C20orf203: variants seen among roughly 807,000 people sequenced by gnomAD.
C20orf203 encodes the protein uncharacterized protein C20orf203.
C20orf203 carries 16 observed loss-of-function variants against 15.9 expected under a neutral mutation model. The ratio of observed to expected loss-of-function variants is 1.01; its 90% confidence interval spans 0.68 to 1.53. The LOEUF (loss-of-function observed/expected upper bound fraction) is 1.53, where lower values mean the gene tolerates loss of function less well. Ranked by LOEUF, C20orf203 falls within the 40% of genes most tolerant of loss-of-function variation. C20orf203 has a pLI of 0.00. For synonymous variants in C20orf203, 98 were observed against 97.2 expected, an observed-to-expected ratio of 1.01 and a Z score of -0.05; for missense variants, 263 against 247.5, an observed-to-expected ratio of 1.06 and a Z score of -0.42.
intron 1 of C20orf203, among the ~76,000 whole-genome samples, chr20:32,660,202 G>T (rs1982859269): frequency 6.6e-6 from 1 of 152,142 alleles, no homozygotes; most frequent in Admixed American, 6.5e-5. Context: ...TCCCATTGCA[G>T]GGAGGTTGGG....
chr20:32,634,804 A>G (rs1335917763), intron 5 of C20orf203, among the ~76,000 whole-genome samples: 2 of 148,532 alleles, frequency 1.3e-5, no homozygotes, highest in East Asian at 2.0e-4. Flanking sequence ...CTACATATGC[A>G]TATATATATA....
chr20:32,666,937 C>A (rs748539097), intron 1 of C20orf203, among the ~76,000 whole-genome samples: 3 of 150,072 alleles, frequency 2.0e-5, no homozygotes. Flanking sequence ...GCATGAGCCA[C>A]CACGTACAAT....
chr20:32,633,937 G>T lies in C20orf203; in HGVS notation c.*1633C>A. ...CTGGATGCTTCTCCCGGATCCTGATGCCTGAGCTTCAGCTTCCCCACTCCG... is the reference window on the plus strand; with the variant it reads ...CTGGATGCTTCTCCCGGATCCTGATTCCTGAGCTTCAGCTTCCCCACTCCG... On this transcript the variant is annotated 3_prime_UTR_variant, in exon 6 of 6. Coordinates refer to ENST00000608990, the MANE Select transcript of C20orf203 (RefSeq NM_182584.4). 1 of 398,318 alleles carries T rather than the reference G, an allele frequency of 2.5e-6. No individual in the cohort carries two copies. The highest frequency in any genetic ancestry group is 4.4e-6 in the Non-Finnish European group (1 of 226,100). The allele number at this position is 398,318 out of a possible 1,614,324, so 24.7% of individuals were successfully genotyped here.
At chr20:32,639,652 G>A (rs1420800973) in intron 5 of C20orf203, among the ~76,000 whole-genome samples, 1 of 147,700 alleles carries the variant, frequency 6.8e-6, no homozygotes, top group African/African-American at 2.5e-5. Flanking sequence ...AAAAGTCACC[G>A]TGAGGATTAA....
chr20:32,654,585 G>A (rs761296137), intron 1 of C20orf203, among the ~76,000 whole-genome samples: 7 of 152,172 alleles, frequency 4.6e-5, no homozygotes, highest in Admixed American at 2.6e-4. Context: ...GCTTATGTCC[G>A]TAATCCCAGC....
intron 1 of C20orf203, among the ~76,000 whole-genome samples, chr20:32,666,553 G>A (rs1983030960): frequency 6.6e-6 from 1 of 151,062 alleles, no homozygotes; most frequent in Non-Finnish European, 1.5e-5. Flanking sequence ...CACTAGGTCA[G>A]GAGATCGAGA....
At chr20:32,672,401 A>T (rs966384332) in intron 1 of C20orf203, among the ~76,000 whole-genome samples, 1 of 151,836 alleles carries the variant, frequency 6.6e-6, no homozygotes, top group African/African-American at 2.4e-5. Context: ...TATATTATAC[A>T]TACATACATA....
At position 32,650,319 on chromosome 20, in the gene C20orf203, C is replaced by G. The variant is rs542460541; in HGVS notation, c.*113G>C. 1.4e-5 allele frequency: 11 copies of G among 772,606 alleles called. No homozygotes were observed. The East Asian group carries it at 2.7e-4, about 19-fold the overall frequency. The allele number at this position is 772,606 out of a possible 1,614,324, so 47.9% of individuals were successfully genotyped here. ...AGCTGGGCGTGCCGGGCCCATCCCC[C>G]ACTCTGGGGAGCAGAATGATTGTGG... On this transcript the variant is annotated 3_prime_UTR_variant, in exon 4 of 6. Coordinates refer to ENST00000608990, the MANE Select transcript of C20orf203 (RefSeq NM_182584.4).
intron 1 of C20orf203, among the ~76,000 whole-genome samples, chr20:32,667,464 T>G (rs1333258269): frequency 6.6e-6 from 1 of 152,192 alleles, no homozygotes; most frequent in African/African-American, 2.4e-5. Flanking sequence ...GAGGCAGGCC[T>G]GGCCGTCTGC....
At chr20:32,638,053 A>G (rs1055262874) in intron 5 of C20orf203, among the ~76,000 whole-genome samples, 9 of 151,962 alleles carry the variant, frequency 5.9e-5, no homozygotes, top group African/African-American at 1.9e-4. Flanking sequence ...AGAGTGCCCA[A>G]TCTGATGGCA....
chr20:32,669,319 A>G (rs1425681746), intron 1 of C20orf203, among the ~76,000 whole-genome samples: 1 of 152,216 alleles, frequency 6.6e-6, no homozygotes, highest in Non-Finnish European at 1.5e-5. Context: ...CTAGAACTAT[A>G]GGCATATGCC....
At chr20:32,647,869 C>T (rs113230081) in intron 4 of C20orf203, among the ~76,000 whole-genome samples, 28 of 152,282 alleles carry the variant, frequency 1.8e-4, no homozygotes, top group Middle Eastern at 3.4e-3. Context: ...CCTCACCACC[C>T]ACGGCAGGGG....
intron 5 of C20orf203, among the ~76,000 whole-genome samples, chr20:32,635,881 G>A (rs994191337): frequency 5.4e-4 from 82 of 152,112 alleles, no homozygotes; most frequent in Admixed American, 3.3e-4. Flanking sequence ...GCATCCTCCT[G>A]AGCCATGCCT....
chr20:32,636,476 C>T (rs1600924484), intron 5 of C20orf203, among the ~76,000 whole-genome samples: 1 of 152,168 alleles, frequency 6.6e-6, no homozygotes, highest in East Asian at 1.9e-4. Context: ...CCTTGCACAG[C>T]AAAGCGCTGG....
intron 1 of C20orf203, among the ~76,000 whole-genome samples, chr20:32,662,909 G>A (rs1330861083): frequency 7.5e-6 from 1 of 134,100 alleles, no homozygotes; most frequent in East Asian, 2.0e-4. Context: ...AACAAGAAAG[G>A]AACAGCTAGA....
At chr20:32,667,212 G>T (rs1290262669) in intron 1 of C20orf203, among the ~76,000 whole-genome samples, 2 of 152,118 alleles carry the variant, frequency 1.3e-5, no homozygotes, top group African/African-American at 4.8e-5. Flanking sequence ...AGGGTCACCT[G>T]GGATTTTATT....
chr20:32,634,306 T>C (rs1982080354), intron 5 of C20orf203, 36 bp from the exon 6 acceptor site: 8 of 397,926 alleles, frequency 2.0e-5, no homozygotes, highest in Admixed American at 4.4e-5. Flanking sequence ...AGACAGGCAT[T>C]GGGAGGGGAG....
chr20:32,651,115 G>A lies in C20orf203; in HGVS notation c.38C>T (p.Ala13Val), dbSNP rs1311646826. The A allele has an allele frequency of 2.3e-5, 30 of 1,311,938 alleles. No individual in the cohort carries two copies. Among genetic ancestry groups the A allele is most frequent in the South Asian group, 8.2e-5 (6 of 73,366 alleles). 81.3% of individuals were successfully genotyped at this position (1,311,938 alleles called of 1,614,324 possible). A position where few individuals can be genotyped will look rare whatever the true frequency, so the allele number is the denominator to read the frequency against. The stretch of plus-strand genomic sequence containing the variant: ...GTTGGGAGGCTGAGGCAGGAGAATC[G>A]CTTGAGCCCGGGAGTTCAAGACAGG... ...PRPVLNSRAQ[A>V]ILLPQPPNML... Residue 13 changes from alanine to valine, a missense_variant, in exon 3 of 6, where the codon GCG (alanine) becomes GTG (valine). By Grantham distance (64) the Ala-to-Val change is moderately conservative. Coordinates refer to ENST00000608990, the MANE Select transcript of C20orf203 (RefSeq NM_182584.4).
chr20:32,641,762 C>A (rs981850918), intron 4 of C20orf203, among the ~76,000 whole-genome samples: 8 of 152,178 alleles, frequency 5.3e-5, no homozygotes, highest in African/African-American at 1.9e-4. Flanking sequence ...ATTTATACAT[C>A]TTTTTTGGAG....
Sources: gnomAD v4.1 joint callset for allele counts (sites outside exome capture counted in the v4.1 genomes callset) on GRCh38, gnomAD v4.1.1 for gene constraint, MANE v1.5 for transcripts, NCBI Gene and HGNC (gene_info 2026-07-23, HGNC 2026-07-21) for gene names.